MLLT3: variants seen among roughly 807,000 people sequenced by gnomAD.
MLLT3 encodes the protein MLLT3 super elongation complex subunit, also known as protein AF-9.
A neutral mutation model predicts 53.2 loss-of-function variants in MLLT3; 4 were observed. The ratio of observed to expected loss-of-function variants is 0.08; its 90% CI spans 0.04 to 0.17. The LOEUF (loss-of-function observed/expected upper bound fraction) is 0.17, where lower values mean the gene tolerates loss of function less well. MLLT3 is among the 10% of genes least tolerant of loss of function. The pLI is 1.00. For synonymous variants in MLLT3, 283 were observed against 230.6 expected, an observed-to-expected ratio of 1.23 and a Z score of -2.06; for missense variants, 569 against 684.0, an observed-to-expected ratio of 0.83 and a Z score of 1.87.
intron 2 of MLLT3, among the ~76,000 whole-genome samples, chr9:20,574,262 C>A (rs1587086446): frequency 6.6e-6 from 1 of 152,134 alleles, no homozygotes; most frequent in African/African-American, 2.4e-5. Flanking sequence ...CTTAGAGACA[C>A]AATAAAAGAA....
intron 3 of MLLT3, among the ~76,000 whole-genome samples, chr9:20,455,927 CTT>C (rs780438955): frequency 0.019 from 2,252 of 116,784 alleles, 48 homozygotes; most frequent in African/African-American, 0.069. Context: ...CTGCTAAAAA[CTT>C]TTTTTTTTTT....
At chr9:20,590,175 T>G (rs1820092597) in intron 2 of MLLT3, among the ~76,000 whole-genome samples, 1 of 152,178 alleles carries the variant, frequency 6.6e-6, no homozygotes, top group African/African-American at 2.4e-5. Context: ...GAGCTGTAAT[T>G]ACACACATTT....
At position 20,542,259 on chromosome 9, in the gene MLLT3, T is replaced by C. The variant is rs1001554505; in HGVS notation, c.193+78395A>G. ...TAATATTTTTTTTTTTTTTTTTTTT[T>C]TTGAGACGGAGTCTTGCTCTGTCGC... is the stretch of plus-strand genomic sequence containing the variant. On this transcript the variant is annotated intron_variant, in intron 2 of 10. Transcript: ENST00000380338. Among the ~76,000 whole-genome samples the C allele has an allele frequency of 2.2e-4, 33 of 146,804 alleles. 1 individual carries two copies. In the South Asian group the frequency reaches 7.2e-3, roughly 32 times the overall value.
chr9:20,480,536 A>G (rs532480712), intron 2 of MLLT3, among the ~76,000 whole-genome samples: 1 of 152,314 alleles, frequency 6.6e-6, no homozygotes, highest in Admixed American at 6.5e-5. Flanking sequence ...CTGTTGACCT[A>G]TTTCAAAACT....
chr9:20,363,970 C>T (rs910861705), intron 6 of MLLT3, among the ~76,000 whole-genome samples: 2 of 152,154 alleles, frequency 1.3e-5, no homozygotes, highest in Admixed American at 6.5e-5. Context: ...TAATAAATCA[C>T]TGTGGTTGTA....
intron 2 of MLLT3, among the ~76,000 whole-genome samples, chr9:20,501,258 A>T (rs1164832876): frequency 6.6e-6 from 1 of 152,234 alleles, no homozygotes; most frequent in African/African-American, 2.4e-5. Context: ...ATGGAAAATA[A>T]ATTCCACACA....
In MLLT3 at chr9:20,400,646, T is replaced by C. The variant is rs554887931; in HGVS notation, c.1125+13075A>G. 3.3e-5 allele frequency among the ~76,000 whole-genome samples: 5 copies of C among 152,190 alleles called. No individual in the cohort carries two copies. The East Asian group carries it at 7.7e-4, about 23-fold the overall frequency. On this transcript the variant is annotated intron_variant, in intron 5 of 10. Transcript: ENST00000380338. ...AACAAAACTGACCATCCATTAATAA[T>C]TGTTGAAGCTGAGTGATGGTCCATG... is the stretch of plus-strand genomic sequence containing the variant.
rs1821015029 is a variant in MLLT3, at chr9:20,621,689, G to A, written c.12+556C>T. ...CCTCGGCTCGCGCTCAGCACCTCCC[G>A]GCGCTGGGGCAAAGTTGCGTGCGGC... On this transcript the variant is annotated intron_variant, in intron 1 of 10. Coordinates refer to ENST00000380338, the MANE Select transcript of MLLT3 (RefSeq NM_004529.4). This position sits in a 1 kb window ranked among gnomAD's most constrained non-coding sequence, Gnocchi z 7.0. The A allele has an allele frequency of 6.5e-6, 9 of 1,385,172 alleles. No homozygotes were observed. The Admixed American group carries it at 1.7e-4, about 26-fold the overall frequency. 85.8% of individuals were successfully genotyped at this position (1,385,172 alleles called of 1,614,324 possible). A position where few individuals can be genotyped will look rare whatever the true frequency, so the allele number is the denominator to read the frequency against.
intron 10 of MLLT3, among the ~76,000 whole-genome samples, chr9:20,352,577 A>C (rs1460690152): frequency 6.6e-6 from 1 of 152,128 alleles, no homozygotes; most frequent in Non-Finnish European, 1.5e-5. Flanking sequence ...TCTTTTGTTC[A>C]AATCTAAAAT....
At chr9:20,444,316 G>A (rs1586953413) in intron 4 of MLLT3, among the ~76,000 whole-genome samples, 1 of 152,054 alleles carries the variant, frequency 6.6e-6, no homozygotes, top group African/African-American at 2.4e-5. Context: ...TCAGCAAATA[G>A]GGAGGTGCTT....
chr9:20,555,302 T>C (rs1819029086), intron 2 of MLLT3, among the ~76,000 whole-genome samples: 1 of 152,092 alleles, frequency 6.6e-6, no homozygotes, highest in Non-Finnish European at 1.5e-5. Context: ...CCAACCTAAA[T>C]TTTTAGAGCT....
At chr9:20,363,714 C>A in intron 6 of MLLT3, 109 bp from the exon 7 acceptor site, 2 of 995,950 alleles carry the variant, frequency 2.0e-6, no homozygotes, top group Non-Finnish European at 2.8e-6. Context: ...TAAAAATAAT[C>A]ATCATATATA....
intron 2 of MLLT3, among the ~76,000 whole-genome samples, chr9:20,615,693 T>G (rs1477395430): frequency 1.3e-5 from 2 of 151,912 alleles, no homozygotes; most frequent in East Asian, 3.8e-4. Context: ...TTCAGGTGAT[T>G]GGTGACGTTA....
At chr9:20,509,845 C>A (rs1025840167) in intron 2 of MLLT3, among the ~76,000 whole-genome samples, 3 of 151,276 alleles carry the variant, frequency 2.0e-5, no homozygotes, top group Admixed American at 6.6e-5. Flanking sequence ...AATCAGAGCA[C>A]AGTATAATGA....
At chr9:20,404,632 G>C (rs1037034209) in intron 5 of MLLT3, among the ~76,000 whole-genome samples, 2 of 152,154 alleles carry the variant, frequency 1.3e-5, no homozygotes, top group Non-Finnish European at 2.9e-5. Context: ...AGCGTCTCAA[G>C]TGGCTAGGAG....
At chr9:20,489,162 C>A (rs1212000520) in intron 2 of MLLT3, among the ~76,000 whole-genome samples, 1 of 151,716 alleles carries the variant, frequency 6.6e-6, no homozygotes, top group African/African-American at 2.4e-5. Flanking sequence ...CAAGGGAGAG[C>A]GGGTGGAAGG....
At chr9:20,553,886 A>C (rs1475828722) in intron 2 of MLLT3, among the ~76,000 whole-genome samples, 2 of 152,066 alleles carry the variant, frequency 1.3e-5, no homozygotes, top group Admixed American at 1.3e-4. Flanking sequence ...CTCCTGGCAA[A>C]AGAAAATGTT....
At position 20,616,026 on chromosome 9, in the gene MLLT3, A is replaced by G. The variant is rs1820826149; in HGVS notation, c.193+4628T>C. Among the ~76,000 whole-genome samples the G allele has an allele frequency of 2.0e-5, 3 of 152,144 alleles. No homozygotes were observed. The South Asian group carries it at 6.2e-4, about 32-fold the overall frequency. Reference sequence around the variant, plus strand: ...AAATTAATTTCTTTAAAATGTCTCCATTTTAATTTCTAATACACTAAAATT... The same window carrying G: ...AAATTAATTTCTTTAAAATGTCTCCGTTTTAATTTCTAATACACTAAAATT... On this transcript the variant is annotated intron_variant, in intron 2 of 10. Transcript: ENST00000380338.
chr9:20,399,318 C>T lies in MLLT3; in HGVS notation c.1125+14403G>A, dbSNP rs766355377. 1.1e-4 allele frequency among the ~76,000 whole-genome samples: 16 copies of T among 152,054 alleles called. 1 individual carries two copies. The highest frequency in any genetic ancestry group is 2.0e-4 in the Admixed American group (3 of 15,260). On this transcript the variant is annotated intron_variant, in intron 5 of 10. Transcript: ENST00000380338. ...GAGGAGTCTTAACTATAAATACATA[C>T]GCATATATTAACACATCTTTGCACT...
Sources: allele counts gnomAD v4.1 joint callset (sites outside exome capture counted in the v4.1 genomes callset), GRCh38; gene constraint gnomAD v4.1.1; non-coding constraint Gnocchi (gnomAD v3.1); transcripts MANE v1.5; gene names NCBI Gene and HGNC (gene_info 2026-07-23, HGNC 2026-07-21).